The following ROR2 variants were observed in gnomAD, a reference collection of about 807,000 sequenced individuals.
ROR2 encodes the protein tyrosine-protein kinase transmembrane receptor ROR2.
In ROR2, 33 loss-of-function variants were observed where a neutral mutation model predicts 74.9. The observed-to-expected ratio is 0.44, with a 90% CI of 0.33 to 0.59. The LOEUF (loss-of-function observed/expected upper bound fraction) is 0.59. Among genes scored for constraint, ROR2 ranks in the 20% least tolerant of loss-of-function variants. ROR2 has a pLI of 0.02. For missense variants in ROR2, 1,216 were observed against 1,313.8 expected, an observed-to-expected ratio of 0.93 and a Z score of 1.15; for synonymous variants, 586 against 558.7, an observed-to-expected ratio of 1.05 and a Z score of -0.69.
chr9:91,782,679 G>A (rs1030724092), intron 1 of ROR2, among the ~76,000 whole-genome samples: 3 of 151,666 alleles, frequency 2.0e-5, no homozygotes, highest in Admixed American at 1.3e-4. Context: ...TGTGCCACGG[G>A]TTAGACAAGC....
Position 91,731,045 on chromosome 9 carries a change from G to C in ROR2, c.1048C>G (p.Leu350Val). ...WALQHPHSHH[L>V]SSTDFPELGG... is the part of the protein sequence containing the mutation. Reference sequence around the variant, plus strand: ...AGCTCAGGGAAGTCTGTGCTGGACAGGTGGTGGCTGTGGGGGTGCTGCAGG... The same window carrying C: ...AGCTCAGGGAAGTCTGTGCTGGACACGTGGTGGCTGTGGGGGTGCTGCAGG... Residue 350 changes from leucine (L) to valine (V), a missense_variant, in exon 7 of 9, where the codon CTG becomes GTG. Physicochemically the swap from Leu to Val is conservative, Grantham distance 32. Transcript: ENST00000375708. 1 of 1,614,194 alleles carries C rather than the reference G, an allele frequency of 6.2e-7. No individual in the cohort carries two copies. The highest frequency in any genetic ancestry group is 8.5e-7 in the Non-Finnish European group (1 of 1,180,038).
At chr9:91,948,385 G>A (rs1832068615) in intron 1 of ROR2, among the ~76,000 whole-genome samples, 1 of 152,192 alleles carries the variant, frequency 6.6e-6, no homozygotes, top group South Asian at 2.1e-4. Context: ...TTGGGGGAGG[G>A]GTTGCAGAAA....
chr9:91,924,654 G>A (rs1417117397), intron 1 of ROR2, among the ~76,000 whole-genome samples: 5 of 152,070 alleles, frequency 3.3e-5, no homozygotes, highest in African/African-American at 7.2e-5. Context: ...CTAGCCAGGC[G>A]TGGTAGCGGG....
intron 1 of ROR2, among the ~76,000 whole-genome samples, chr9:91,846,433 A>G (rs766788766): frequency 2.0e-5 from 3 of 152,148 alleles, no homozygotes; most frequent in Non-Finnish European, 4.4e-5. Flanking sequence ...CCAAGAAGAG[A>G]GCCCTCACCA....
At chr9:91,887,236 T>C (rs1306799976) in intron 1 of ROR2, 1 of 152,222 alleles carries the variant, frequency 6.6e-6, no homozygotes, top group Non-Finnish European at 1.5e-5. Context: ...TAATTTGGTA[T>C]GTAATATTTC....
chr9:91,867,590 G>T (rs1427185061), intron 1 of ROR2, among the ~76,000 whole-genome samples: 1 of 151,860 alleles, frequency 6.6e-6, no homozygotes, highest in Non-Finnish European at 1.5e-5. Flanking sequence ...GGAGATGATG[G>T]AGAAGGGAAA....
At chr9:91,880,720 T>C (rs1369564260) in intron 1 of ROR2, among the ~76,000 whole-genome samples, 1 of 152,258 alleles carries the variant, frequency 6.6e-6, no homozygotes, top group Non-Finnish European at 1.5e-5. Flanking sequence ...ATACAAAGCC[T>C]GATAAACAGA....
chr9:91,837,025 A>G (rs1204721179), intron 1 of ROR2, among the ~76,000 whole-genome samples: 1 of 152,278 alleles, frequency 6.6e-6, no homozygotes, highest in African/African-American at 2.4e-5. Context: ...ACAAGAAAAT[A>G]AAATAATTTT....
At chr9:91,898,111 C>G (rs1398681145) in intron 1 of ROR2, among the ~76,000 whole-genome samples, 1 of 152,188 alleles carries the variant, frequency 6.6e-6, no homozygotes, top group Non-Finnish European at 1.5e-5. Context: ...CACTGATCCC[C>G]TCATGGTCAC....
At chr9:91,813,970 G>GTA (rs774747429) in intron 1 of ROR2, among the ~76,000 whole-genome samples, 41 of 152,350 alleles carry the variant, frequency 2.7e-4, no homozygotes, top group Middle Eastern at 3.4e-3. Flanking sequence ...ATCCTGAGCT[G>GTA]TACTGCATTT....
At chr9:91,886,499 C>T (rs959432038) in intron 1 of ROR2, among the ~76,000 whole-genome samples, 1 of 152,030 alleles carries the variant, frequency 6.6e-6, no homozygotes, top group African/African-American at 2.4e-5. Context: ...TGTGCACCCA[C>T]GCACGGCGCG....
rs145014621 is a variant in ROR2, at chr9:91,937,092, T to G, written c.97+12775A>C. 3.4e-3 allele frequency among the ~76,000 whole-genome samples: 512 copies of G among 149,608 alleles called. 1 individual carries two copies. The highest frequency in any genetic ancestry group is 0.011 in the African/African-American group (463 of 40,328). ...TAGTTTCAGAATATCAAGAAAATTATGATTTTCTGCAGCCAGTAACACAAG... is the reference window on the plus strand; with the variant it reads ...TAGTTTCAGAATATCAAGAAAATTAGGATTTTCTGCAGCCAGTAACACAAG... On this transcript the variant is annotated intron_variant, in intron 1 of 8. Coordinates refer to ENST00000375708, the MANE Select transcript of ROR2 (RefSeq NM_004560.4).
At chr9:91,785,803 C>T (rs1429925692) in intron 1 of ROR2, among the ~76,000 whole-genome samples, 1 of 152,226 alleles carries the variant, frequency 6.6e-6, no homozygotes, top group African/African-American at 2.4e-5. Context: ...GCTCCACTGG[C>T]TTTGAACCTG....
At position 91,771,258 on chromosome 9, in the gene ROR2, G is replaced by A. The variant is rs561031597; in HGVS notation, c.175+4483C>T. Among the ~76,000 whole-genome samples, 17 of 152,346 alleles carry A rather than the reference G, an allele frequency of 1.1e-4. No homozygotes were observed. In the South Asian group the frequency reaches 3.3e-3, roughly 30 times the overall value. ...GTCTATTTTGGCTGAGCCAGAACAG[G>A]AGGCCAGCAGACGGGCGAGCCCACA... On this transcript the variant is annotated intron_variant, in intron 2 of 8. Coordinates refer to ENST00000375708, the MANE Select transcript of ROR2 (RefSeq NM_004560.4).
At chr9:91,897,527 T>C (rs1830565133) in intron 1 of ROR2, among the ~76,000 whole-genome samples, 1 of 148,106 alleles carries the variant, frequency 6.8e-6, no homozygotes, top group South Asian at 2.2e-4. Flanking sequence ...AAAGTGATAC[T>C]GGGTGATGCT....
intron 1 of ROR2, among the ~76,000 whole-genome samples, chr9:91,798,576 G>A (rs995598461): frequency 1.5e-5 from 2 of 135,308 alleles, no homozygotes. Flanking sequence ...GACGCCCTGG[G>A]CTAGTGAGTG....
At chr9:91,878,620 T>C (rs559609599) in intron 1 of ROR2, among the ~76,000 whole-genome samples, 9 of 152,342 alleles carry the variant, frequency 5.9e-5, no homozygotes, top group Non-Finnish European at 7.3e-5. Context: ...GTTCACCTCT[T>C]TGGAAAGCCA....
At chr9:91,760,591 G>A (rs559523094) in intron 2 of ROR2, among the ~76,000 whole-genome samples, 47 of 149,466 alleles carry the variant, frequency 3.1e-4, no homozygotes, top group African/African-American at 9.1e-4. Context: ...CCGAGATCGC[G>A]CCACTGCACT....
intron 1 of ROR2, among the ~76,000 whole-genome samples, chr9:91,876,680 C>T (rs12684533): frequency 0.43 from 65,807 of 151,964 alleles, 15,914 homozygotes; most frequent in African/African-American, 0.64. Flanking sequence ...TTAGAGAAGG[C>T]ATTGCCTTCT....
Sources: allele counts gnomAD v4.1 joint callset (sites outside exome capture counted in the v4.1 genomes callset), GRCh38; gene constraint gnomAD v4.1.1; transcripts MANE v1.5; gene names NCBI Gene and HGNC (gene_info 2026-07-23, HGNC 2026-07-21).